CPVL: variants seen among roughly 807,000 people sequenced by gnomAD.
The protein encoded by CPVL is probable serine carboxypeptidase CPVL.
Under a neutral mutation model 63.7 loss-of-function variants are expected in CPVL, and 51 were observed. That is an observed-to-expected ratio of 0.80 (90% CI 0.64 to 1.01). The LOEUF is 1.01. Ranked by LOEUF, CPVL falls within the 50% of genes least tolerant of loss-of-function variation. The pLI is 0.00. For missense variants in CPVL, 530 were observed against 573.1 expected, an observed-to-expected ratio of 0.92 and a Z score of 0.77; for synonymous variants, 195 against 206.0, an observed-to-expected ratio of 0.95 and a Z score of 0.46.
In CPVL at chr7:29,084,085, T is replaced by C. The variant is rs185943291; in HGVS notation, c.609+2399A>G. 2.6e-3 allele frequency among the ~76,000 whole-genome samples: 391 copies of C among 152,310 alleles called. 7 individuals carry two copies. Among genetic ancestry groups the C allele is most frequent in the Admixed American group, 0.024 (368 of 15,298 alleles). On this transcript the variant is annotated intron_variant, in intron 7 of 12. Coordinates refer to ENST00000265394, the MANE Select transcript of CPVL (RefSeq NM_031311.5). ...TAATATTTGTCCAGTGCCTCAAACA[T>C]AGCAGATACTCAATATATCTGTGCT... is the stretch of plus-strand genomic sequence containing the variant.
chr7:29,047,230 T>C (rs1434076889), intron 11 of CPVL, among the ~76,000 whole-genome samples: 1 of 152,122 alleles, frequency 6.6e-6, no homozygotes, highest in African/African-American at 2.4e-5. Flanking sequence ...AGGGAGCCAT[T>C]TGCATTAGAA....
intron 11 of CPVL, among the ~76,000 whole-genome samples, chr7:29,052,831 C>A (rs1423629398): frequency 6.6e-6 from 1 of 152,104 alleles, no homozygotes; most frequent in African/African-American, 2.4e-5. Context: ...ATTGCTTGAA[C>A]CCGGGAGGTG....
intron 1 of CPVL, among the ~76,000 whole-genome samples, chr7:29,140,115 C>A (rs1311955163): frequency 6.6e-6 from 1 of 152,194 alleles, no homozygotes; most frequent in Non-Finnish European, 1.5e-5. Flanking sequence ...TCCCTCAGCA[C>A]TAAACAATCA....
chr7:29,100,234 TA>T (rs1786970137), intron 3 of CPVL, among the ~76,000 whole-genome samples: 1 of 152,216 alleles, frequency 6.6e-6, no homozygotes, highest in African/African-American at 2.4e-5. Flanking sequence ...ACTTCCTTCC[TA>T]AACTACATGT....
chr7:29,069,770 A>ATGTGTGTGTGTGTG (rs70977102), intron 9 of CPVL, among the ~76,000 whole-genome samples: 4 of 132,344 alleles, frequency 3.0e-5, no homozygotes, highest in East Asian at 2.4e-4. Flanking sequence ...TCACCAGTAA[A>ATGTGTGTGTGTGTG]TGTGTGTGTG....
chr7:29,160,681 C>T (rs1202304168), intron 5 of CPVL, among the ~76,000 whole-genome samples: 1 of 152,112 alleles, frequency 6.6e-6, no homozygotes, highest in African/African-American at 2.4e-5. Flanking sequence ...CGTGATGATG[C>T]CTGGTGCTGT....
chr7:29,020,814 A>G (rs188139215), intron 12 of CPVL, among the ~76,000 whole-genome samples: 193 of 152,362 alleles, frequency 1.3e-3, no homozygotes, highest in Middle Eastern at 3.4e-3. Context: ...AAATTGTTAA[A>G]CCTCAGGCAA....
At chr7:29,090,752 G>T (rs1183070264) in intron 6 of CPVL, among the ~76,000 whole-genome samples, 1 of 152,176 alleles carries the variant, frequency 6.6e-6, no homozygotes, top group East Asian at 1.9e-4. Context: ...AATAAGAAAA[G>T]TGGGAGAGTA....
chr7:28,996,190 T>C (rs770677043), intron 12 of CPVL: 2 of 248,428 alleles, frequency 8.1e-6, no homozygotes, highest in Non-Finnish European at 1.5e-5. Context: ...CTCCCCGCAG[T>C]TGAGAGTGCT....
intron 5 of CPVL, among the ~76,000 whole-genome samples, chr7:29,165,192 T>G (rs527643471): frequency 4.6e-5 from 7 of 152,220 alleles, no homozygotes; most frequent in African/African-American, 1.7e-4. Flanking sequence ...GGCATGTATA[T>G]CTCATCTTTT....
At chr7:29,016,303 ATCATGCCAC>A (rs552907939) in intron 12 of CPVL, among the ~76,000 whole-genome samples, 148 of 151,634 alleles carry the variant, frequency 9.8e-4, no homozygotes, top group African/African-American at 3.0e-3. Context: ...GTGAGCCAAG[ATCATGCCAC>A]TGCACTCCAG....
At chr7:29,085,036 A>C (rs771256833) in intron 7 of CPVL, among the ~76,000 whole-genome samples, 60 of 152,364 alleles carry the variant, frequency 3.9e-4, no homozygotes, top group Non-Finnish European at 8.1e-4. Flanking sequence ...GTATGGAATT[A>C]GAATTATGGG....
Position 29,086,886 on chromosome 7 carries a change from C to T in CPVL, c.543-336G>A, listed in dbSNP as rs117500866. Among the ~76,000 whole-genome samples, 1,260 of 152,268 alleles carry T rather than the reference C, an allele frequency of 8.3e-3. 9 individuals are homozygous for T. Among genetic ancestry groups the T allele is most frequent in the Middle Eastern group, 0.034 (10 of 294 alleles). On this transcript the variant is annotated intron_variant, in intron 6 of 12. Transcript: ENST00000265394. ...CAATTCTTGGAGGTAGTTCTGCAAA[C>T]TTTATGATCCCATTAGCCCGGGTTT...
chr7:29,095,176 C>T lies in CPVL; in HGVS notation c.404-34G>A, dbSNP rs373755509. ...ACAAAGAAGAGGGGTGAGATAGAGT[C>T]GTGGACAAGCATTCCACCGAGGCCT... On this transcript the variant is annotated intron_variant, in intron 4 of 12. Coordinates refer to ENST00000265394, the MANE Select transcript of CPVL (RefSeq NM_031311.5). 39 of 1,584,498 alleles carry T rather than the reference C, an allele frequency of 2.5e-5. No individual in the cohort carries two copies. The African/African-American group carries it at 3.4e-4, about 14-fold the overall frequency.
intron 12 of CPVL, among the ~76,000 whole-genome samples, chr7:29,022,188 AG>A (rs2128143839): frequency 6.6e-6 from 1 of 152,260 alleles, no homozygotes; most frequent in African/African-American, 2.4e-5. Context: ...ACCTGAGGAC[AG>A]GCCCATCTAG....
chr7:29,164,269 T>C (rs1215906917), intron 5 of CPVL, among the ~76,000 whole-genome samples: 2 of 152,210 alleles, frequency 1.3e-5, no homozygotes, highest in African/African-American at 2.4e-5. Flanking sequence ...TTTTATGTGC[T>C]TATTTCCTGT....
chr7:29,157,927 GA>G (rs1290800299), intron 5 of CPVL, among the ~76,000 whole-genome samples: 1 of 152,052 alleles, frequency 6.6e-6, no homozygotes, highest in African/African-American at 2.4e-5. Context: ...TCTTCCTTAT[GA>G]AAATACTGTT....
intron 1 of CPVL, among the ~76,000 whole-genome samples, chr7:29,190,889 G>A (rs1439064641): frequency 6.6e-6 from 1 of 151,046 alleles, no homozygotes; most frequent in African/African-American, 2.4e-5. Flanking sequence ...GCAAAGTATG[G>A]TAGACAATAC....
chr7:29,097,423 G>A (rs981341974), intron 3 of CPVL, among the ~76,000 whole-genome samples: 7 of 152,202 alleles, frequency 4.6e-5, no homozygotes, highest in South Asian at 2.1e-4. Flanking sequence ...GGCTGGGAGC[G>A]GTGACTCATG....
Sources: gnomAD v4.1 joint callset for allele counts (sites outside exome capture counted in the v4.1 genomes callset) on GRCh38, gnomAD v4.1.1 for gene constraint, MANE v1.5 for transcripts, NCBI Gene and HGNC (gene_info 2026-07-23, HGNC 2026-07-21) for gene names.